Variants in CATSPERB observed in about 807,000 individuals in gnomAD.
CATSPERB encodes cation channel sperm-associated auxiliary subunit beta.
CATSPERB carries 93 observed loss-of-function variants against 128.3 expected under a neutral mutation model. The observed-to-expected ratio is 0.72, with a 90% confidence interval of 0.61 to 0.86. CATSPERB has a LOEUF of 0.86. Among genes scored for constraint, CATSPERB ranks in the 40% least tolerant of loss-of-function variants. The pLI is 0.00. For synonymous variants in CATSPERB, 381 were observed against 448.8 expected (o/e 0.85, Z 1.91); for missense variants, 1,153 against 1,329.5 (o/e 0.87, Z 2.06).
chr14:91,690,078 C>T (rs140132838), intron 10 of CATSPERB, among the ~76,000 whole-genome samples: 16 of 152,264 alleles, frequency 1.1e-4, no homozygotes, highest in East Asian at 1.9e-4. Context: ...CTGCAACCTC[C>T]GCCTCCTGGG....
intron 5 of CATSPERB, among the ~76,000 whole-genome samples, chr14:91,711,190 G>A (rs1566738084): frequency 6.6e-6 from 1 of 152,020 alleles, no homozygotes; most frequent in Non-Finnish European, 1.5e-5. Context: ...CATGAGTTAT[G>A]GGTACTTTTG....
chr14:91,651,326 G>C (rs955373308), intron 15 of CATSPERB, among the ~76,000 whole-genome samples: 1 of 152,164 alleles, frequency 6.6e-6, no homozygotes, highest in Non-Finnish European at 1.5e-5. Context: ...AGCTTTGACT[G>C]GGCTTTAGTA....
chr14:91,719,833 A>G (rs938445769), intron 4 of CATSPERB, among the ~76,000 whole-genome samples: 16 of 152,212 alleles, frequency 1.1e-4, no homozygotes, highest in Non-Finnish European at 1.9e-4. Context: ...AGGTTGACAG[A>G]GCATTTGGGA....
chr14:91,701,388 C>A (rs1176203903), intron 7 of CATSPERB, among the ~76,000 whole-genome samples: 2 of 151,946 alleles, frequency 1.3e-5, no homozygotes, highest in Non-Finnish European at 2.9e-5. Context: ...CTGAGGATGA[C>A]CCAGTACTCT....
chr14:91,700,606 G>C (rs1325229187), intron 7 of CATSPERB, among the ~76,000 whole-genome samples: 1 of 152,106 alleles, frequency 6.6e-6, no homozygotes, highest in Non-Finnish European at 1.5e-5. Flanking sequence ...TGGTGGACTG[G>C]ATAAAGACAA....
chr14:91,711,793 T>C (rs1007274903), intron 5 of CATSPERB, among the ~76,000 whole-genome samples: 1 of 152,214 alleles, frequency 6.6e-6, no homozygotes, highest in African/African-American at 2.4e-5. Context: ...AAAAGTTATG[T>C]CAAGAGTACA....
chr14:91,708,815 A>G (rs1595188020), intron 5 of CATSPERB, among the ~76,000 whole-genome samples: 2 of 152,380 alleles, frequency 1.3e-5, no homozygotes, highest in African/African-American at 4.8e-5. Context: ...ACTAGATTTG[A>G]CAGATCAGGT....
intron 20 of CATSPERB, among the ~76,000 whole-genome samples, chr14:91,616,832 C>T (rs1045369863): frequency 6.8e-6 from 1 of 147,760 alleles, no homozygotes; most frequent in Non-Finnish European, 1.5e-5. Context: ...ACCTCTGCCT[C>T]CCAGGTTCAA....
At chr14:91,704,004 G>A (rs1041487698) in intron 7 of CATSPERB, among the ~76,000 whole-genome samples, 5 of 152,146 alleles carry the variant, frequency 3.3e-5, no homozygotes, top group Non-Finnish European at 7.3e-5. Flanking sequence ...GCTAACTCCA[G>A]ATAGCTAGTG....
intron 5 of CATSPERB, among the ~76,000 whole-genome samples, chr14:91,718,263 G>T (rs759223040): frequency 6.6e-6 from 1 of 152,272 alleles, no homozygotes; most frequent in Non-Finnish European, 1.5e-5. Context: ...TTTGAAAAAC[G>T]TTGAATAAAG....
At chr14:91,707,766 CT>C (rs76649759) in intron 6 of CATSPERB, among the ~76,000 whole-genome samples, 1,682 of 128,048 alleles carry the variant, frequency 0.013, 22 homozygotes, top group African/African-American at 0.039. Context: ...GCCTGGTTAA[CT>C]TTTTTTTTTT....
At chr14:91,696,800 G>A (rs1467732727) in intron 7 of CATSPERB, among the ~76,000 whole-genome samples, 1 of 152,190 alleles carries the variant, frequency 6.6e-6, no homozygotes, top group Non-Finnish European at 1.5e-5. Flanking sequence ...ATGGGATCCA[G>A]AACACAAGGG....
intron 14 of CATSPERB, among the ~76,000 whole-genome samples, chr14:91,662,139 C>T (rs1894897436): frequency 6.6e-6 from 1 of 152,016 alleles, no homozygotes; most frequent in Non-Finnish European, 1.5e-5. Context: ...TTTACATCTT[C>T]CTGTTTCTCC....
chr14:91,580,866 G>A lies in CATSPERB; in HGVS notation c.*23C>T. The A allele has an allele frequency of 6.3e-7, 1 of 1,576,642 alleles. No homozygotes were observed. Among genetic ancestry groups the A allele is most frequent in the Non-Finnish European group, 8.7e-7 (1 of 1,150,260 alleles). The stretch of plus-strand genomic sequence containing the variant: ...TTGGCTGATAAAACTAGAAAATAAA[G>A]AGAAATTATGATCACCATGTGTTCA... On this transcript the variant is annotated 3_prime_UTR_variant, in exon 27 of 27. Coordinates refer to ENST00000256343, the MANE Select transcript of CATSPERB (RefSeq NM_024764.4).
At chr14:91,610,386 A>G (rs1893801922) in intron 21 of CATSPERB, 94 bp downstream of exon 21, 3 of 959,968 alleles carry the variant, frequency 3.1e-6, no homozygotes, top group Non-Finnish European at 4.7e-6. Context: ...TGAGCCACTC[A>G]CAAAAGAAAT....
chr14:91,580,956 C>T lies in CATSPERB; in HGVS notation c.3284G>A (p.Arg1095Lys), dbSNP rs779971145. ...GATACTTGAAAACTTCTCTTGGTTT[C>T]TTCTAATCCATCTTTGGAATGTCCT... The part of the protein sequence containing the change: ...PWRTFQRWIR[R>K]NQEKFSSISL... The change falls in exon 27 of 27, where the codon AGA (arginine) becomes AAA (lysine). Residue 1095 changes from arginine to lysine, a missense_variant. By Grantham distance (26) the Arg-to-Lys change is conservative (BLOSUM62 2). Transcript: ENST00000256343. 2.5e-6 allele frequency: 4 copies of T among 1,614,218 alleles called. No individual in the cohort carries two copies. In the East Asian group the frequency reaches 8.9e-5, roughly 36 times the overall value.
chr14:91,672,764 G>A (rs746090342), intron 13 of CATSPERB, 103 bp downstream of exon 13: 192 of 897,020 alleles, frequency 2.1e-4, no homozygotes, highest in Admixed American at 4.3e-4. Context: ...AATTTTATAG[G>A]TTCTATTGCC....
intron 22 of CATSPERB, among the ~76,000 whole-genome samples, chr14:91,607,089 G>C (rs527767956): frequency 5.0e-5 from 6 of 119,878 alleles, no homozygotes; most frequent in East Asian, 2.9e-4. Context: ...GTGGGCGGGG[G>C]GGGGGGGGGC....
At chr14:91,717,776 G>T (rs1334536390) in intron 5 of CATSPERB, among the ~76,000 whole-genome samples, 2 of 152,074 alleles carry the variant, frequency 1.3e-5, no homozygotes, top group Non-Finnish European at 2.9e-5. Context: ...TCATGCCATA[G>T]CAGTAAATAA....
Sources: gnomAD v4.1 joint callset for allele counts (sites outside exome capture counted in the v4.1 genomes callset) on GRCh38, gnomAD v4.1.1 for gene constraint, MANE v1.5 for transcripts, NCBI Gene and HGNC (gene_info 2026-07-23, HGNC 2026-07-21) for gene names.